The following PCSK5 variants were observed in gnomAD, a reference collection of about 807,000 sequenced individuals.
PCSK5 encodes the protein prohormone convertase 5.
A neutral mutation model predicts 233.2 loss-of-function variants in PCSK5; 129 were observed. The ratio of observed to expected loss-of-function variants is 0.55; its 90% confidence interval spans 0.48 to 0.64. The LOEUF is 0.64. PCSK5 is among the 30% of genes least tolerant of loss of function. The probability of loss-of-function intolerance (pLI) is 0.00; values close to 1 mark genes in which losing one functional copy is unlikely to be tolerated. For synonymous variants in PCSK5, 825 were observed against 879.2 expected (o/e 0.94, Z 1.09); for missense variants, 2,076 against 2,430.1 (o/e 0.85, Z 3.06).
intron 13 of PCSK5, 85 bp from the exon 14 acceptor site, chr9:76,174,901 T>C: frequency 2.3e-6 from 3 of 1,298,302 alleles, no homozygotes. Context: ...CTGTTGCTTT[T>C]TCTTGAGTGA....
chr9:76,004,267 A>C (rs879014119), intron 3 of PCSK5, among the ~76,000 whole-genome samples: 1 of 151,312 alleles, frequency 6.6e-6, no homozygotes, highest in Non-Finnish European at 1.5e-5. Flanking sequence ...TTTTTTTTTC[A>C]GGAGTAGATG....
intron 24 of PCSK5, among the ~76,000 whole-genome samples, chr9:76,268,749 G>A (rs1172143954): frequency 1.3e-5 from 2 of 152,150 alleles, no homozygotes; most frequent in Non-Finnish European, 1.5e-5. Context: ...GGAGGCTGAG[G>A]AGGGAGGATC....
chr9:76,188,692 T>A lies in PCSK5; in HGVS notation c.2380+17T>A. On this transcript the variant is annotated intron_variant, in intron 18 of 37. Transcript: ENST00000674117. ...CTTGTGCTGGTACCTTCCCTAGTTC[T>A]TTTGTTTATTCTCCCGGTTCTGGTT... The A allele has an allele frequency of 1.3e-6, 2 of 1,586,546 alleles. No homozygotes were observed. The highest frequency in any genetic ancestry group is 1.7e-6 in the Non-Finnish European group (2 of 1,155,336).
chr9:76,219,363 A>G (rs1246621146), intron 20 of PCSK5, among the ~76,000 whole-genome samples: 1 of 152,206 alleles, frequency 6.6e-6, no homozygotes, highest in Non-Finnish European at 1.5e-5. Flanking sequence ...CAAGGGGTTT[A>G]AAAGCAAGTT....
At chr9:75,892,428 G>A (rs2131176038) in intron 1 of PCSK5, among the ~76,000 whole-genome samples, 1 of 152,344 alleles carries the variant, frequency 6.6e-6, no homozygotes, top group South Asian at 2.1e-4. Flanking sequence ...AGCATCTTTG[G>A]GGTTGGCCGG....
chr9:76,110,318 C>G (rs1197594222), intron 9 of PCSK5, among the ~76,000 whole-genome samples: 1 of 152,190 alleles, frequency 6.6e-6, no homozygotes, highest in African/African-American at 2.4e-5. Flanking sequence ...ACTGCATGTC[C>G]TAGCTATCCC....
chr9:76,047,545 G>A (rs1353708231), intron 5 of PCSK5, among the ~76,000 whole-genome samples: 1 of 152,080 alleles, frequency 6.6e-6, no homozygotes, highest in Non-Finnish European at 1.5e-5. Flanking sequence ...ATACATTAGA[G>A]GTCAAGGTAG....
At chr9:76,039,015 T>C (rs556924113) in intron 5 of PCSK5, among the ~76,000 whole-genome samples, 1 of 152,344 alleles carries the variant, frequency 6.6e-6, no homozygotes, top group Non-Finnish European at 1.5e-5. Context: ...ATTTCACTGT[T>C]ACATTTGTAG....
chr9:75,970,780 C>T (rs1333242120), intron 2 of PCSK5, among the ~76,000 whole-genome samples: 1 of 151,988 alleles, frequency 6.6e-6, no homozygotes, highest in Non-Finnish European at 1.5e-5. Flanking sequence ...CACTGCCACG[C>T]CTGGTTAATT....
chr9:76,227,987 TGA>T (rs1331089697), intron 21 of PCSK5, among the ~76,000 whole-genome samples: 1 of 151,834 alleles, frequency 6.6e-6, no homozygotes, highest in Non-Finnish European at 1.5e-5. Context: ...TTTTTTTTTT[TGA>T]GACAGAGTCT....
chr9:76,259,454 A>T (rs559437202), intron 24 of PCSK5, among the ~76,000 whole-genome samples: 1 of 87,642 alleles, frequency 1.1e-5, no homozygotes, highest in African/African-American at 5.1e-5. Context: ...CTCTGTCTAC[A>T]CTACACACAC....
chr9:75,934,650 C>T (rs538910159), intron 2 of PCSK5, among the ~76,000 whole-genome samples: 1 of 151,838 alleles, frequency 6.6e-6, no homozygotes, highest in East Asian at 1.9e-4. Flanking sequence ...GGCGCGATCT[C>T]AGCTCACTAC....
intron 2 of PCSK5, among the ~76,000 whole-genome samples, chr9:75,976,679 C>T (rs1024678555): frequency 4.6e-5 from 7 of 151,112 alleles, no homozygotes; most frequent in Admixed American, 3.3e-4. Context: ...GATGGGTAGT[C>T]TTAAATTTAA....
At chr9:76,023,667 A>C in intron 3 of PCSK5, 71 bp from the exon 4 acceptor site, 1 of 1,427,346 alleles carries the variant, frequency 7.0e-7, no homozygotes, top group Non-Finnish European at 9.5e-7. Flanking sequence ...AAACAAAAGA[A>C]AGAAAGAAAT....
At chr9:75,917,150 C>A (rs143128615) in intron 1 of PCSK5, among the ~76,000 whole-genome samples, 1 of 125,290 alleles carries the variant, frequency 8.0e-6, no homozygotes, top group South Asian at 2.4e-4. Context: ...TCCTGGGCAA[C>A]GAAGAGAGAC....
intron 9 of PCSK5, among the ~76,000 whole-genome samples, chr9:76,133,428 CTT>C (rs962582730): frequency 2.3e-4 from 35 of 152,116 alleles, no homozygotes; most frequent in Admixed American, 8.5e-4. Context: ...TCAGTAGTCT[CTT>C]TTGTGTTCTT....
chr9:76,337,228 G>A (rs1317024858), intron 34 of PCSK5, among the ~76,000 whole-genome samples: 2 of 150,384 alleles, frequency 1.3e-5, no homozygotes, highest in Admixed American at 6.7e-5. Context: ...AGGCTAGAGT[G>A]CAGTGGTGTG....
At chr9:76,013,058 C>T (rs1048312942) in intron 3 of PCSK5, among the ~76,000 whole-genome samples, 2 of 133,176 alleles carry the variant, frequency 1.5e-5, no homozygotes, top group Non-Finnish European at 3.6e-5. Context: ...TTCTGCATCC[C>T]CTTTATTTTT....
At chr9:76,347,225 C>T (rs1157101663) in intron 35 of PCSK5, among the ~76,000 whole-genome samples, 1 of 152,096 alleles carries the variant, frequency 6.6e-6, no homozygotes, top group Non-Finnish European at 1.5e-5. Flanking sequence ...CATGAAGAGA[C>T]CCCAGAAGTT....
Sources: allele counts gnomAD v4.1 joint callset (sites outside exome capture counted in the v4.1 genomes callset), GRCh38; gene constraint gnomAD v4.1.1; transcripts MANE v1.5; gene names NCBI Gene and HGNC (gene_info 2026-07-23, HGNC 2026-07-21).